TFRC: variants seen among roughly 807,000 people sequenced by gnomAD.
The protein encoded by TFRC is transferrin receptor.
A neutral mutation model predicts 85.8 loss-of-function variants in TFRC; 35 were observed. The ratio of observed to expected loss-of-function variants is 0.41; its 90% CI spans 0.31 to 0.54. The LOEUF (loss-of-function observed/expected upper bound fraction) is 0.54. Ranked by LOEUF, TFRC falls within the 20% of genes least tolerant of loss-of-function variation. TFRC has a pLI of 0.31. For synonymous variants in TFRC, 362 were observed against 328.6 expected (o/e 1.10, Z -1.10); for missense variants, 828 against 921.5 (o/e 0.90, Z 1.31).
intron 7 of TFRC, among the ~76,000 whole-genome samples, chr3:196,068,982 A>G (rs1020882770): frequency 2.0e-5 from 3 of 151,120 alleles, no homozygotes; most frequent in Non-Finnish European, 4.4e-5. Flanking sequence ...TAAGACAACC[A>G]CTTTTTTGAG....
rs1472694541 is a variant in TFRC, at chr3:196,075,064, A to T, written c.238+95T>A. On this transcript the variant is annotated intron_variant, in intron 3 of 18. Coordinates refer to ENST00000360110, the MANE Select transcript of TFRC (RefSeq NM_001128148.3). Reference sequence around the variant, plus strand: ...CTGTCTCCAAAAAAAAAAAAAAAAAAAATAAGGTACAAAATAACTATATGC... The same window carrying T: ...CTGTCTCCAAAAAAAAAAAAAAAAATAATAAGGTACAAAATAACTATATGC... 63 of 674,960 alleles carry T rather than the reference A, an allele frequency of 9.3e-5. 1 individual carries two copies. The South Asian group carries it at 9.5e-4, about 10-fold the overall frequency. The allele number at this position is 674,960 out of a possible 1,614,324, so 41.8% of individuals were successfully genotyped here.
chr3:196,061,088 C>G (rs1717244910), intron 13 of TFRC, among the ~76,000 whole-genome samples: 2 of 152,190 alleles, frequency 1.3e-5, no homozygotes, highest in South Asian at 4.1e-4. Flanking sequence ...TTTCACTATT[C>G]TCAGCTCATC....
chr3:196,061,013 A>C, intron 13 of TFRC, among the ~76,000 whole-genome samples: 1 of 152,154 alleles, frequency 6.6e-6, no homozygotes, highest in East Asian at 1.9e-4. Flanking sequence ...CAAACATACA[A>C]CAGGGAAATA....
rs748444738 is a variant in TFRC, at chr3:196,071,970, G to A, written c.584+33C>T. ...TTAGCACACCTGAAAATAGCTACTT[G>A]TATAAAAATAAGTTTACCATCTTTC... On this transcript the variant is annotated intron_variant, in intron 5 of 18. Coordinates refer to ENST00000360110, the MANE Select transcript of TFRC (RefSeq NM_001128148.3). 3.8e-5 allele frequency: 60 copies of A among 1,594,918 alleles called. No homozygotes were observed. The East Asian group carries it at 1.3e-3, about 35-fold the overall frequency.
At position 196,062,448 on chromosome 3, in the gene TFRC, G is replaced by A. The variant is rs559993301; in HGVS notation, c.1468+134C>T. 1.2e-3 allele frequency: 913 copies of A among 756,522 alleles called. 3 individuals are homozygous for A. The highest frequency in any genetic ancestry group is 1.4e-3 in the Non-Finnish European group (614 of 444,324). The allele number at this position is 756,522 out of a possible 1,614,324, so 46.9% of individuals were successfully genotyped here. On this transcript the variant is annotated intron_variant, in intron 13 of 18. Transcript: ENST00000360110. ...CTCAGGAGGCTAAGGCAGGAGAATC[G>A]CTTGAATCTGGGAGACAGAGGTTGC...
In TFRC at chr3:196,075,213, A is replaced by T; in HGVS notation, c.184T>A (p.Cys62Ser). 1 of 1,614,018 alleles carries T rather than the reference A, an allele frequency of 6.2e-7. No homozygotes were observed. ...TKANVTKPKR[C>S]SGSICYGTIA... ...GTCCCATAGCAGATACTTCCACTAC[A>T]CCTTTTTGGTTTTGTGACATTGGCC... Residue 62 changes from cysteine (C) to serine (S), a missense_variant, in exon 3 of 19, where the codon TGT becomes AGT. Physicochemically the swap from Cys to Ser is moderately radical, Grantham distance 112. Transcript: ENST00000360110.
chr3:196,054,165 G>T (rs1716578781), intron 17 of TFRC, among the ~76,000 whole-genome samples: 1 of 152,028 alleles, frequency 6.6e-6, no homozygotes, highest in Admixed American at 6.6e-5. Context: ...GTGAACCCGG[G>T]AGGCGCATCT....
At chr3:196,066,588 G>A (rs1446670315) in intron 9 of TFRC, among the ~76,000 whole-genome samples, 6 of 152,202 alleles carry the variant, frequency 3.9e-5, no homozygotes, top group Non-Finnish European at 5.9e-5. Flanking sequence ...GATAAGATGG[G>A]ACGCTGGCTT....
At chr3:196,070,263 TG>T (rs1265721636) in intron 6 of TFRC, among the ~76,000 whole-genome samples, 4 of 92,466 alleles carry the variant, frequency 4.3e-5, no homozygotes, top group Non-Finnish European at 1.1e-4. Context: ...CTTACAAATG[TG>T]ATTTTTTTTT....
intron 11 of TFRC, among the ~76,000 whole-genome samples, chr3:196,063,986 G>A (rs12330245): frequency 0.12 from 17,676 of 152,192 alleles, 1,383 homozygotes; most frequent in Middle Eastern, 0.21. Flanking sequence ...TACATGAGTA[G>A]AGAGGTATGC....
intron 2 of TFRC, 76 bp downstream of exon 2, chr3:196,076,988 A>T (rs1718755942): frequency 7.3e-7 from 1 of 1,362,202 alleles, no homozygotes; most frequent in Non-Finnish European, 1.0e-6. Context: ...TTATTATTTC[A>T]TGCTTACTCA....
rs146993606 is a variant in TFRC, at chr3:196,052,113, G to C, written c.2112C>G (p.Ser704=). ...ESPFRHVFWG[S]GSHTLPALLE... is the part of the protein sequence containing the mutation. ...GTAAAGCTGGCAGCGTGTGAGAGCC[G>C]GAGCCCCAGAAGACATGTCGGAAAG... The change falls in exon 19 of 19, where the codon TCC becomes TCG. Residue 704 remains serine, a synonymous_variant. Coordinates refer to ENST00000360110, the MANE Select transcript of TFRC (RefSeq NM_001128148.3). The C allele has an allele frequency of 4.3e-6, 7 of 1,613,876 alleles. No individual in the cohort carries two copies. The highest frequency in any genetic ancestry group is 5.9e-6 in the Non-Finnish European group (7 of 1,180,006).
chr3:196,076,751 G>A (rs571588903), intron 2 of TFRC, among the ~76,000 whole-genome samples: 16 of 152,032 alleles, frequency 1.1e-4, no homozygotes, highest in Admixed American at 7.2e-4. Flanking sequence ...GAGCCACAGC[G>A]CCCCGCAAGC....
intron 6 of TFRC, among the ~76,000 whole-genome samples, chr3:196,070,807 T>TAATAATAATAATAATAATAATAATAAA (rs978226944): frequency 1.4e-5 from 2 of 144,562 alleles, no homozygotes; most frequent in East Asian, 2.2e-4. Context: ...ATAATAATAA[T>TAATAATAATAATAATAATAATAATAAA]AAAATAAAAA....
intron 7 of TFRC, among the ~76,000 whole-genome samples, chr3:196,069,218 A>C (rs535331084): frequency 6.6e-6 from 1 of 152,322 alleles, no homozygotes; most frequent in Non-Finnish European, 1.5e-5. Flanking sequence ...CTTTTAGCTG[A>C]ATTCTGTATA....
chr3:196,054,731 TGCTGTCTTTCCATCCGG>T (rs1248581851), intron 17 of TFRC, among the ~76,000 whole-genome samples: 1 of 152,242 alleles, frequency 6.6e-6, no homozygotes, highest in Non-Finnish European at 1.5e-5. Flanking sequence ...CTGCTAGCTG[TGCTGTCTTTCCATCCGG>T]GTCACGCCCG....
chr3:196,063,275 A>G (rs916322212), intron 11 of TFRC: 11 of 187,994 alleles, frequency 5.9e-5, no homozygotes, highest in African/African-American at 2.6e-4. Context: ...CCCAGAGATC[A>G]TTGAAAACAG....
At chr3:196,069,842 T>C in intron 6 of TFRC, 1 of 300,038 alleles carries the variant, frequency 3.3e-6, no homozygotes, top group Non-Finnish European at 6.1e-6. Context: ...TAAAGAGGCC[T>C]ATGTAGGCTG....
chr3:196,061,377 T>C (rs1009262383), intron 13 of TFRC, among the ~76,000 whole-genome samples: 1 of 152,228 alleles, frequency 6.6e-6, no homozygotes, highest in African/African-American at 2.4e-5. Context: ...TTACCTGTAG[T>C]GCTTGTTAAA....
Sources: gnomAD v4.1 joint callset for allele counts (sites outside exome capture counted in the v4.1 genomes callset) on GRCh38, gnomAD v4.1.1 for gene constraint, MANE v1.5 for transcripts, NCBI Gene and HGNC (gene_info 2026-07-23, HGNC 2026-07-21) for gene names.